The following LIPI variants were observed in gnomAD, a reference collection of about 807,000 sequenced individuals.
LIPI encodes the protein lipase I, also known as lipase member I.
A neutral mutation model predicts 50.6 loss-of-function variants in LIPI; 59 were observed. The observed-to-expected ratio is 1.16, with a 90% CI of 0.94 to 1.45. The LOEUF (loss-of-function observed/expected upper bound fraction) is 1.45, where lower values mean the gene tolerates loss of function less well. Ranked by LOEUF, LIPI falls within the 40% of genes most tolerant of loss-of-function variation. LIPI has a pLI of 0.00. For missense variants in LIPI, 586 were observed against 536.3 expected, an observed-to-expected ratio of 1.09 and a Z score of -0.92; for synonymous variants, 203 against 178.2, an observed-to-expected ratio of 1.14 and a Z score of -1.11.
chr21:14,191,420 G>A (rs921513431), intron 1 of LIPI, among the ~76,000 whole-genome samples: 190 of 148,604 alleles, frequency 1.3e-3, no homozygotes, highest in Middle Eastern at 6.8e-3. Flanking sequence ...AAAGTAGAAA[G>A]AATGAAACAA....
chr21:14,162,738 T>TA (rs1287957815), intron 7 of LIPI, among the ~76,000 whole-genome samples: 3 of 152,016 alleles, frequency 2.0e-5, no homozygotes, highest in South Asian at 2.1e-4. Context: ...TGGAAGACAT[T>TA]AAAAATGACT....
intron 1 of LIPI, among the ~76,000 whole-genome samples, chr21:14,199,259 C>T (rs562755314): frequency 2.0e-4 from 30 of 151,304 alleles, no homozygotes; most frequent in Non-Finnish European, 3.1e-4. Context: ...GCTGAACTGA[C>T]GGAGACTGAG....
intron 4 of LIPI, among the ~76,000 whole-genome samples, chr21:14,173,830 A>G (rs951138194): frequency 2.0e-5 from 3 of 152,132 alleles, no homozygotes; most frequent in Non-Finnish European, 2.9e-5. Context: ...AATGTAGATG[A>G]CTTCATGACA....
chr21:14,201,356 C>A (rs767561004), intron 1 of LIPI, among the ~76,000 whole-genome samples: 1 of 152,006 alleles, frequency 6.6e-6, no homozygotes, highest in East Asian at 1.9e-4. Flanking sequence ...GCAAACTATG[C>A]ATCCAACAAA....
intron 7 of LIPI, among the ~76,000 whole-genome samples, chr21:14,156,020 T>C (rs960681311): frequency 6.6e-6 from 1 of 151,988 alleles, no homozygotes; most frequent in African/African-American, 2.4e-5. Flanking sequence ...ATGTGGGGAA[T>C]GTAAAGGGGC....
intron 7 of LIPI, among the ~76,000 whole-genome samples, chr21:14,160,534 C>T: frequency 6.6e-6 from 1 of 151,320 alleles, no homozygotes; most frequent in East Asian, 1.9e-4. Context: ...ACACATAGAA[C>T]TATTATTTTT....
intron 9 of LIPI, among the ~76,000 whole-genome samples, chr21:14,130,385 T>C (rs947201199): frequency 2.6e-5 from 4 of 152,180 alleles, no homozygotes; most frequent in Non-Finnish European, 5.9e-5. Context: ...GATTTTAGCA[T>C]CTGTGCCCTG....
At chr21:14,150,770 C>T (rs570250141) in intron 8 of LIPI, among the ~76,000 whole-genome samples, 5 of 152,006 alleles carry the variant, frequency 3.3e-5, no homozygotes, top group South Asian at 4.2e-4. Context: ...TGAAAAGGGC[C>T]GAAAAGTTTC....
At chr21:14,140,220 G>A (rs2017655069) in intron 9 of LIPI, among the ~76,000 whole-genome samples, 1 of 152,078 alleles carries the variant, frequency 6.6e-6, no homozygotes, top group South Asian at 2.1e-4. Flanking sequence ...AGTACAGGTG[G>A]TAAAGAATTC....
intron 9 of LIPI, among the ~76,000 whole-genome samples, chr21:14,142,521 T>C (rs2017749147): frequency 6.6e-6 from 1 of 150,734 alleles, no homozygotes; most frequent in Non-Finnish European, 1.5e-5. Context: ...TCCTGCTCTG[T>C]TGCTCAGGCT....
At chr21:14,186,329 A>G (rs1171177706) in intron 2 of LIPI, among the ~76,000 whole-genome samples, 1 of 152,176 alleles carries the variant, frequency 6.6e-6, no homozygotes, top group African/African-American at 2.4e-5. Context: ...AGTATGCAAA[A>G]TGCAATTAAT....
intron 9 of LIPI, among the ~76,000 whole-genome samples, chr21:14,133,483 T>C (rs1225548737): frequency 6.6e-6 from 1 of 152,042 alleles, no homozygotes; most frequent in Non-Finnish European, 1.5e-5. Flanking sequence ...CCTCACATAA[T>C]AAAGACAATA....
chr21:14,111,296 G>A (rs1482643429), intron 9 of LIPI, among the ~76,000 whole-genome samples: 1 of 151,958 alleles, frequency 6.6e-6, no homozygotes, highest in African/African-American at 2.4e-5. Flanking sequence ...CAGTCATGAG[G>A]TGATAGCTCA....
Position 14,166,389 on chromosome 21 carries a change from G to A in LIPI, c.706C>T (p.Pro236Ser), listed in dbSNP as rs750196117. 3 of 1,607,014 alleles carry A rather than the reference G, an allele frequency of 1.9e-6. No homozygotes were observed. In the Admixed American group the frequency reaches 5.0e-5, roughly 27 times the overall value. Residue 236 changes from proline (P) to serine (S), a missense_variant, in exon 5 of 10, where the codon CCT becomes TCT. By Grantham distance (74) the Pro-to-Ser change is moderately conservative (BLOSUM62 -1). Coordinates refer to ENST00000681601, the MANE Select transcript of LIPI (RefSeq NM_001302998.2). ...DFYPNGGNKQ[P>S]GCPKSIFSGI... The stretch of plus-strand genomic sequence containing the variant: ...GAGAAAATTGATTTAGGACAGCCAG[G>A]TTGTTTATTTCCTCCATTTGGATAA...
chr21:14,115,312 A>C (rs2016583906), intron 9 of LIPI, among the ~76,000 whole-genome samples: 2 of 152,196 alleles, frequency 1.3e-5, no homozygotes, highest in South Asian at 2.1e-4. Context: ...TAGCATAAAT[A>C]AATGTAAAAG....
intron 9 of LIPI, among the ~76,000 whole-genome samples, chr21:14,143,035 G>A (rs889145151): frequency 3.3e-5 from 5 of 152,008 alleles, no homozygotes; most frequent in Admixed American, 6.6e-5. Context: ...AAAACCCAGC[G>A]AAATATGCCT....
chr21:14,159,565 A>AT lies in LIPI; in HGVS notation c.1006+3853dup, dbSNP rs538643934. Among the ~76,000 whole-genome samples the AT allele has an allele frequency of 2.1e-3, 312 of 149,622 alleles. 3 individuals are homozygous for AT. Among genetic ancestry groups the AT allele is most frequent in the Admixed American group, 4.8e-3 (72 of 14,926 alleles). On this transcript the variant is annotated intron_variant, in intron 7 of 9. Transcript: ENST00000681601. Reference sequence around the variant, plus strand: ...TCACACTTTAATGGCAAAAGATTGGATTTTTTTTTTCTCTAAGGCAAAGGT... The same window carrying AT: ...TCACACTTTAATGGCAAAAGATTGGATTTTTTTTTTTCTCTAAGGCAAAGGT...
At chr21:14,172,519 T>C (rs937880438) in intron 4 of LIPI, among the ~76,000 whole-genome samples, 2 of 151,088 alleles carry the variant, frequency 1.3e-5, no homozygotes, top group African/African-American at 4.9e-5. Flanking sequence ...ATATACACCA[T>C]GGAATACTAT....
chr21:14,183,670 T>C (rs2019352059), intron 3 of LIPI, among the ~76,000 whole-genome samples: 2 of 152,100 alleles, frequency 1.3e-5, no homozygotes. Context: ...GTGAAGGATA[T>C]GAGCAGACAC....
Sources: gnomAD v4.1 joint callset for allele counts (sites outside exome capture counted in the v4.1 genomes callset) on GRCh38, gnomAD v4.1.1 for gene constraint, MANE v1.5 for transcripts, NCBI Gene and HGNC (gene_info 2026-07-23, HGNC 2026-07-21) for gene names.